NPHP4: variants seen among roughly 807,000 people sequenced by gnomAD.
The protein encoded by NPHP4 is nephrocystin-4.
Under a neutral mutation model 155.8 loss-of-function variants are expected in NPHP4, and 151 were observed. The observed-to-expected ratio is 0.97, with a 90% CI of 0.85 to 1.11. The LOEUF (loss-of-function observed/expected upper bound fraction) is 1.11, where lower values mean the gene tolerates loss of function less well. Among genes scored for constraint, NPHP4 ranks in the 50% least tolerant of loss-of-function variants. The probability of loss-of-function intolerance (pLI) is 0.00; values close to 1 mark genes in which losing one functional copy is unlikely to be tolerated. For missense variants in NPHP4, 1,956 were observed against 1,925.7 expected, an observed-to-expected ratio of 1.02 and a Z score of -0.29; for synonymous variants, 845 against 816.8, an observed-to-expected ratio of 1.03 and a Z score of -0.59.
rs780852851 is a variant in NPHP4 at position 5,904,658 on chromosome 1, T to C, written c.2102A>G (p.His701Arg). 1.8e-5 allele frequency: 29 copies of C among 1,613,294 alleles called. No individual in the cohort carries two copies. The highest frequency in any genetic ancestry group is 1.7e-6 in the Non-Finnish European group (2 of 1,179,504). Residue 701 changes from histidine to arginine, a missense_variant, in exon 16 of 30, where the codon CAC becomes CGC. His to Arg is a conservative substitution (Grantham distance 29). Coordinates refer to ENST00000378156, the MANE Select transcript of NPHP4 (RefSeq NM_015102.5). ...AGQPSSGALT[H>R]ILVPVSRDGT... is the part of the protein sequence containing the mutation. The stretch of plus-strand genomic sequence containing the variant: ...ATCTCTGCTCACAGGCACGAGGATG[T>C]GGGTCAGGGCGCCAGAGCTGGGCTG...
At chr1:5,874,840 G>C (rs1479526128) in intron 21 of NPHP4, 34 bp downstream of exon 21, 2 of 1,595,966 alleles carry the variant, frequency 1.3e-6, no homozygotes, top group Non-Finnish European at 1.7e-6. Context: ...CACAGATCTG[G>C]GCTGGGGCAG....
chr1:5,889,447 C>T lies in NPHP4; in HGVS notation c.2304+1421G>A, dbSNP rs994699382. On this transcript the variant is annotated intron_variant, in intron 17 of 29. Transcript: ENST00000378156. This position sits in a 1 kb window ranked among gnomAD's most constrained non-coding sequence, Gnocchi z 4.2. ...ATTTATTCAAGTCTATGTCAACAAGCGTAACGGCACTTGTTTAAGGGGCTC... is the reference window on the plus strand; with the variant it reads ...ATTTATTCAAGTCTATGTCAACAAGTGTAACGGCACTTGTTTAAGGGGCTC... 3.3e-5 allele frequency among the ~76,000 whole-genome samples: 5 copies of T among 152,214 alleles called. No individual in the cohort carries two copies. Among genetic ancestry groups the T allele is most frequent in the Non-Finnish European group, 5.9e-5 (4 of 68,040 alleles).
intron 12 of NPHP4, 115 bp downstream of exon 12, chr1:5,909,037 C>T (rs1645046924): frequency 1.1e-6 from 1 of 898,556 alleles, no homozygotes; most frequent in Admixed American, 2.0e-5. Flanking sequence ...AGCAGGCCCT[C>T]CCCAGCCACG....
chr1:5,938,804 C>T (rs192220107), intron 9 of NPHP4, among the ~76,000 whole-genome samples: 1 of 152,310 alleles, frequency 6.6e-6, no homozygotes, highest in East Asian at 1.9e-4. Context: ...CTAAACAGAA[C>T]ATCAGAATCG....
intron 11 of NPHP4, among the ~76,000 whole-genome samples, chr1:5,922,146 T>G (rs1273582602): frequency 6.6e-6 from 1 of 152,160 alleles, no homozygotes; most frequent in Non-Finnish European, 1.5e-5. Flanking sequence ...CCTTTGAAGA[T>G]GGAAGAAGGA....
intron 6 of NPHP4, among the ~76,000 whole-genome samples, chr1:5,955,087 T>C (rs1648923992): frequency 6.6e-6 from 1 of 151,046 alleles, no homozygotes; most frequent in Admixed American, 6.6e-5. Flanking sequence ...TAACAGACAT[T>C]TCTCAAAAGA....
rs199583130 is a variant in NPHP4, at chr1:5,864,351, G to A, written c.3983C>T (p.Pro1328Leu). The A allele has an allele frequency of 1.1e-4, 183 of 1,607,372 alleles. No homozygotes were observed. In the African/African-American group the frequency reaches 1.9e-3, roughly 17 times the overall value. The change falls in exon 28 of 30, where the codon CCG becomes CTG. Residue 1328 changes from proline to leucine, a missense_variant. Physicochemically the swap from Pro to Leu is moderately conservative, Grantham distance 98 (BLOSUM62 -3). Coordinates refer to ENST00000378156, the MANE Select transcript of NPHP4 (RefSeq NM_015102.5). ...SWLVCLCCRQPLISKAFEIML... is the reference protein window; with the variant it reads ...SWLVCLCCRQLLISKAFEIML... ...ACACATACAGACCTTGGAGATGAGC[G>A]GCTGGCGGCAGCAGAGGCACACGAG...
Position 5,887,295 on chromosome 1 carries a change from C to T in NPHP4, c.2476G>A (p.Ala826Thr), listed in dbSNP as rs1464619485. 3.1e-6 allele frequency: 5 copies of T among 1,612,734 alleles called. No individual in the cohort carries two copies. The highest frequency in any genetic ancestry group is 1.7e-4 in the Middle Eastern group (1 of 6,056). The change falls in exon 18 of 30, where the codon GCC (alanine) becomes ACC (threonine). Residue 826 changes from alanine (A) to threonine (T), a missense_variant. Physicochemically the swap from Ala to Thr is moderately conservative, Grantham distance 58 (BLOSUM62 0). Transcript: ENST00000378156. The stretch of plus-strand genomic sequence containing the variant: ...GGCTGGGGACTCTTACCCACGTTGG[C>T]CAAAGTCAGGTGCAGCCGGCCCTTC... ...VVKGRLHLTLANVGHPCEQKV... is the reference protein window; with the variant it reads ...VVKGRLHLTLTNVGHPCEQKV...
chr1:5,920,345 G>A (rs1645679607), intron 11 of NPHP4, among the ~76,000 whole-genome samples: 1 of 152,192 alleles, frequency 6.6e-6, no homozygotes, highest in Admixed American at 6.5e-5. Context: ...ATAGGCATGA[G>A]CCACTGCGCC....
At chr1:5,901,212 T>C (rs1021353502) in intron 16 of NPHP4, among the ~76,000 whole-genome samples, 14 of 152,186 alleles carry the variant, frequency 9.2e-5, no homozygotes, top group Non-Finnish European at 1.6e-4. Context: ...TTAAAAATAA[T>C]GGAACCATGC....
chr1:5,977,373 T>A (rs111393910), intron 3 of NPHP4, among the ~76,000 whole-genome samples: 1 of 152,036 alleles, frequency 6.6e-6, no homozygotes, highest in Non-Finnish European at 1.5e-5. Context: ...GGAGTCAGTT[T>A]CTTTCTCATC....
intron 7 of NPHP4, among the ~76,000 whole-genome samples, chr1:5,951,520 C>T (rs776956740): frequency 2.9e-4 from 44 of 152,338 alleles, no homozygotes; most frequent in Non-Finnish European, 6.3e-4. Flanking sequence ...CTTCTCCCTA[C>T]TCCATCTGGT....
intron 5 of NPHP4, among the ~76,000 whole-genome samples, chr1:5,964,560 A>C (rs1650986945): frequency 6.6e-6 from 1 of 152,070 alleles, no homozygotes; most frequent in Non-Finnish European, 1.5e-5. Context: ...GATCTGCGTC[A>C]ATGTGCCTGG....
intron 3 of NPHP4, among the ~76,000 whole-genome samples, chr1:5,973,249 C>A (rs1488524599): frequency 6.6e-6 from 1 of 152,230 alleles, no homozygotes; most frequent in East Asian, 1.9e-4. Flanking sequence ...TGTCTGAAGT[C>A]CCACTGGGAT....
rs201464887 is a variant in NPHP4 at position 5,947,134 on chromosome 1, C to A, written c.1089G>T (p.Val363=). 285 of 1,613,988 alleles carry A rather than the reference C, an allele frequency of 1.8e-4. 2 individuals carry two copies. The East Asian group carries it at 5.3e-3, about 30-fold the overall frequency. ...CGTCCACTCCTGCAGGGCTGCTGAA[C>A]ACGTACTCCAGCTGGAAGATGACCG... The part of the protein sequence containing the change: ...AFAVIFQLEY[V]FSSPAGVDGN... The change falls in exon 9 of 30, where the codon GTG becomes GTT. Residue 363 remains valine, a synonymous_variant. Coordinates refer to ENST00000378156, the MANE Select transcript of NPHP4 (RefSeq NM_015102.5).
chr1:5,946,684 G>T (rs1034034389), intron 9 of NPHP4, among the ~76,000 whole-genome samples: 2 of 152,254 alleles, frequency 1.3e-5, no homozygotes, highest in African/African-American at 2.4e-5. Flanking sequence ...GGTGGCTTCA[G>T]GATGGGGCTG....
chr1:5,873,052 C>A (rs538300701), intron 23 of NPHP4, among the ~76,000 whole-genome samples, 200 bp downstream of exon 23: 1 of 152,296 alleles, frequency 6.6e-6, no homozygotes, highest in Middle Eastern at 3.4e-3. Context: ...CGACCAGATA[C>A]CATGCAGGCT....
chr1:5,979,972 C>T (rs1401181501), intron 2 of NPHP4, among the ~76,000 whole-genome samples: 1 of 152,116 alleles, frequency 6.6e-6, no homozygotes, highest in Non-Finnish European at 1.5e-5. Context: ...AGACCACATG[C>T]CCCACTACCT....
intron 4 of NPHP4, among the ~76,000 whole-genome samples, chr1:5,968,826 G>A (rs551468008): frequency 2.2e-4 from 34 of 152,180 alleles, no homozygotes; most frequent in African/African-American, 7.9e-4. Flanking sequence ...TTGAGGTCAG[G>A]AGTTCGAGAC....
Sources: gnomAD v4.1 joint callset for allele counts (sites outside exome capture counted in the v4.1 genomes callset) on GRCh38, gnomAD v4.1.1 for gene constraint, Gnocchi (gnomAD v3.1) non-coding constraint, MANE v1.5 for transcripts, NCBI Gene and HGNC (gene_info 2026-07-23, HGNC 2026-07-21) for gene names.